The following MSANTD3 variants were observed in gnomAD, a reference collection of about 807,000 sequenced individuals.
The protein encoded by MSANTD3 is myb/SANT-like DNA-binding domain-containing protein 3.
A neutral mutation model predicts 27.7 loss-of-function variants in MSANTD3; 11 were observed. The observed-to-expected ratio is 0.40, with a 90% CI of 0.25 to 0.66. MSANTD3 has a LOEUF of 0.66. Among genes scored for constraint, MSANTD3 ranks in the 30% least tolerant of loss-of-function variants. MSANTD3 has a pLI of 0.41. For synonymous variants in MSANTD3, 131 were observed against 127.2 expected (o/e 1.03, Z -0.20); for missense variants, 250 against 336.5 (o/e 0.74, Z 2.01).
Position 100,451,120 on chromosome 9 carries a change from C to T in MSANTD3, c.*154C>T. On this transcript the variant is annotated 3_prime_UTR_variant, in exon 3 of 3. Coordinates refer to ENST00000395067, the MANE Select transcript of MSANTD3 (RefSeq NM_080655.3). The stretch of plus-strand genomic sequence containing the variant: ...AAGAATTCATTCAGGTAAACAGCTG[C>T]ACCCTCTGTACCCCTTAAGTGGCAA... 3 of 705,990 alleles carry T rather than the reference C, an allele frequency of 4.2e-6. No homozygotes were observed. Among genetic ancestry groups the T allele is most frequent in the Non-Finnish European group, 6.8e-6 (3 of 438,746 alleles). The allele number at this position is 705,990 out of a possible 1,614,324, so 43.7% of individuals were successfully genotyped here. A position where few individuals can be genotyped will look rare whatever the true frequency, so the allele number is the denominator to read the frequency against.
Position 100,442,300 on chromosome 9 carries a change from T to C in MSANTD3, c.362T>C (p.Phe121Ser). The C allele has an allele frequency of 6.2e-7, 1 of 1,614,036 alleles. No individual in the cohort carries two copies. Among genetic ancestry groups the C allele is most frequent in the South Asian group, 1.1e-5 (1 of 91,076 alleles). ...AGCATGCTGCCGGAGCAGCTCTACT[T>C]CCTGCAGAGCCCCCCGGAGGAGGAG... is the stretch of plus-strand genomic sequence containing the variant. ...IASMLPEQLY[F>S]LQSPPEEEPE... is the part of the protein sequence containing the mutation. Residue 121 changes from phenylalanine to serine, a missense_variant, in exon 2 of 3, where the codon TTC (phenylalanine) becomes TCC (serine). Physicochemically the swap from Phe to Ser is radical, Grantham distance 155 (BLOSUM62 -2). Coordinates refer to ENST00000395067, the MANE Select transcript of MSANTD3 (RefSeq NM_080655.3).
chr9:100,448,964 C>G (rs576237971), intron 2 of MSANTD3: 1 of 985,296 alleles, frequency 1.0e-6, no homozygotes, highest in East Asian at 1.1e-4. Context: ...TAGCCATTTT[C>G]CTTTTATTAA....
intron 2 of MSANTD3, among the ~76,000 whole-genome samples, chr9:100,443,259 C>T (rs1353651216): frequency 2.0e-5 from 3 of 151,760 alleles, no homozygotes; most frequent in African/African-American, 7.3e-5. Context: ...ATTAGCCGGG[C>T]GTGGTGGTGC....
At position 100,441,926 on chromosome 9, in the gene MSANTD3, A is replaced by G. The variant is rs1418225979; in HGVS notation, c.-13A>G. ...TACAGGATAGCTAGCGGCCAGGAGA[A>G]ATACAGTGGAAAATGCAAAACAACG... On this transcript the variant is annotated 5_prime_UTR_variant, in exon 2 of 3. Coordinates refer to ENST00000395067, the MANE Select transcript of MSANTD3 (RefSeq NM_080655.3). The G allele has an allele frequency of 8.2e-6, 13 of 1,594,076 alleles. No individual in the cohort carries two copies. Among genetic ancestry groups the G allele is most frequent in the Non-Finnish European group, 1.1e-5 (13 of 1,168,816 alleles).
In MSANTD3 at chr9:100,441,578, G is replaced by A. The variant is rs186070505; in HGVS notation, c.-33-328G>A. Among the ~76,000 whole-genome samples the A allele has an allele frequency of 3.9e-5, 6 of 152,244 alleles. No individual in the cohort carries two copies. The East Asian group carries it at 1.2e-3, about 29-fold the overall frequency. ...TGCCTGAACCCGGGAGGTGGAGGTT[G>A]CAGTGAGCTCAGGTCGTGCCACTGC... is the stretch of plus-strand genomic sequence containing the variant. On this transcript the variant is annotated intron_variant, in intron 1 of 2. Transcript: ENST00000395067.
chr9:100,440,604 TTTTTTGAGACAGTGTCTCC>T (rs1349592241), intron 1 of MSANTD3, among the ~76,000 whole-genome samples: 35 of 150,920 alleles, frequency 2.3e-4, no homozygotes, highest in Middle Eastern at 3.4e-3. Context: ...TTTTTTTTTT[TTTTTTGAGACAGTGTCTCC>T]TTTGTCATCC....
intron 1 of MSANTD3, among the ~76,000 whole-genome samples, chr9:100,439,197 C>A (rs567586329): frequency 1.4e-3 from 216 of 152,256 alleles, no homozygotes; most frequent in African/African-American, 5.1e-3. Flanking sequence ...CACTCCTTGG[C>A]GTCAATTTGA....
chr9:100,448,295 G>C, intron 2 of MSANTD3: 1 of 984,258 alleles, frequency 1.0e-6, no homozygotes, highest in South Asian at 4.7e-5. Context: ...GGAGTATCCA[G>C]AACTATCCCC....
chr9:100,447,286 G>T (rs1300524607), intron 2 of MSANTD3, among the ~76,000 whole-genome samples: 1 of 152,126 alleles, frequency 6.6e-6, no homozygotes, highest in Non-Finnish European at 1.5e-5. Context: ...GCTAATATGT[G>T]TGTGAAAGTT....
At chr9:100,449,214 A>G (rs1836826213) in intron 2 of MSANTD3, 1 of 985,414 alleles carries the variant, frequency 1.0e-6, no homozygotes. Flanking sequence ...CAACTCCCTA[A>G]TTGACACTGA....
chr9:100,446,435 A>G (rs775538770), intron 2 of MSANTD3, among the ~76,000 whole-genome samples: 8 of 152,054 alleles, frequency 5.3e-5, no homozygotes, highest in African/African-American at 9.7e-5. Flanking sequence ...ATCCTTTTAC[A>G]TGTGTTTTGT....
intron 1 of MSANTD3, among the ~76,000 whole-genome samples, chr9:100,436,462 T>C (rs1836480098): frequency 6.6e-6 from 1 of 152,172 alleles, no homozygotes; most frequent in African/African-American, 2.4e-5. Flanking sequence ...CCTACAACCA[T>C]GCATAAGAAT....
At chr9:100,445,512 A>G (rs1322624654) in intron 2 of MSANTD3, among the ~76,000 whole-genome samples, 1 of 152,234 alleles carries the variant, frequency 6.6e-6, no homozygotes, top group East Asian at 1.9e-4. Context: ...AATATTTTAG[A>G]TATGTTGGAT....
At chr9:100,447,345 C>T (rs1836779548) in intron 2 of MSANTD3, among the ~76,000 whole-genome samples, 1 of 150,920 alleles carries the variant, frequency 6.6e-6, no homozygotes, top group Admixed American at 6.6e-5. Flanking sequence ...TGTTTTCTGC[C>T]AGAGTCTTCT....
chr9:100,450,032 A>G (rs1836847275), intron 2 of MSANTD3, among the ~76,000 whole-genome samples: 2 of 152,208 alleles, frequency 1.3e-5, no homozygotes, highest in African/African-American at 2.4e-5. Flanking sequence ...TCATCTTTCA[A>G]GGAACAGCAT....
At position 100,450,635 on chromosome 9, in the gene MSANTD3, C is replaced by G; in HGVS notation, c.497C>G (p.Ser166Cys). Residue 166 changes from serine to cysteine, a missense_variant, in exon 3 of 3, where the codon TCT becomes TGT. By Grantham distance (112) the Ser-to-Cys change is moderately radical (BLOSUM62 -1). Transcript: ENST00000395067. ...FIHFPVCEGT[S>C]QPEPSCSAVR... is the part of the protein sequence containing the mutation. The stretch of plus-strand genomic sequence containing the variant: ...CATTTTCCAGTATGTGAGGGGACCT[C>G]TCAACCTGAACCCTCGTGTTCAGCT... The G allele has an allele frequency of 6.2e-7, 1 of 1,613,690 alleles. No homozygotes were observed. Among genetic ancestry groups the G allele is most frequent in the Middle Eastern group, 1.7e-4 (1 of 6,058 alleles).
chr9:100,444,998 C>G, intron 2 of MSANTD3: 1 of 545,252 alleles, frequency 1.8e-6, no homozygotes, highest in Non-Finnish European at 3.3e-6. Context: ...TAGCCAAATG[C>G]TCCTTGCTCC....
At chr9:100,437,444 G>C (rs762110243) in intron 1 of MSANTD3, among the ~76,000 whole-genome samples, 1 of 152,172 alleles carries the variant, frequency 6.6e-6, no homozygotes, top group Non-Finnish European at 1.5e-5. Context: ...TGTGACCAGA[G>C]TAAGTTACTG....
Position 100,451,071 on chromosome 9 carries a change from T to C in MSANTD3, c.*105T>C. ...GTAACAGAGCTACAACTAGGAAAAT[T>C]AGAGTGGTAGTAGTCACTTATTTAA... On this transcript the variant is annotated 3_prime_UTR_variant, in exon 3 of 3. Coordinates refer to ENST00000395067, the MANE Select transcript of MSANTD3 (RefSeq NM_080655.3). 2 of 1,108,308 alleles carry C rather than the reference T, an allele frequency of 1.8e-6. No individual in the cohort carries two copies. Among genetic ancestry groups the C allele is most frequent in the Non-Finnish European group, 2.6e-6 (2 of 775,946 alleles). The allele number at this position is 1,108,308 out of a possible 1,614,324, so 68.7% of individuals were successfully genotyped here. A position where few individuals can be genotyped will look rare whatever the true frequency, so the allele number is the denominator to read the frequency against.
Sources: allele counts gnomAD v4.1 joint callset (sites outside exome capture counted in the v4.1 genomes callset), GRCh38; gene constraint gnomAD v4.1.1; transcripts MANE v1.5; gene names NCBI Gene and HGNC (gene_info 2026-07-23, HGNC 2026-07-21).